Variants in ALG14 observed in about 807,000 individuals in gnomAD.
ALG14 encodes ALG14 UDP-N-acetylglucosaminyltransferase subunit, also known as UDP-N-acetylglucosamine transferase subunit ALG14.
A neutral mutation model predicts 22.8 loss-of-function variants in ALG14; 17 were observed. That is an observed-to-expected ratio of 0.75 (90% CI 0.51 to 1.12). ALG14 has a LOEUF of 1.12. Among genes scored for constraint, ALG14 ranks in the 50% most tolerant of loss-of-function variants. ALG14 has a pLI of 0.00. For synonymous variants in ALG14, 89 were observed against 103.7 expected, an observed-to-expected ratio of 0.86 and a Z score of 0.86; for missense variants, 288 against 271.8, an observed-to-expected ratio of 1.06 and a Z score of -0.42.
At chr1:95,049,401 G>A (rs1248964632) in intron 2 of ALG14, among the ~76,000 whole-genome samples, 2 of 152,050 alleles carry the variant, frequency 1.3e-5, no homozygotes, top group African/African-American at 4.8e-5. Context: ...TGGTGTGAGT[G>A]GTGTGCACCT....
chr1:95,013,084 C>T (rs1418034568), intron 3 of ALG14, among the ~76,000 whole-genome samples: 1 of 149,246 alleles, frequency 6.7e-6, no homozygotes, highest in African/African-American at 2.5e-5. Flanking sequence ...TGCAGTGAGC[C>T]GAGATTGTGC....
chr1:95,057,407 A>AT (rs1398258592), intron 2 of ALG14, among the ~76,000 whole-genome samples: 1 of 151,808 alleles, frequency 6.6e-6, no homozygotes, highest in Non-Finnish European at 1.5e-5. Flanking sequence ...ATAATACAGT[A>AT]TAACAACTAT....
In ALG14 at chr1:95,051,958, T is replaced by A. The variant is rs375039199; in HGVS notation, c.288+12908A>T. 2.6e-5 allele frequency among the ~76,000 whole-genome samples: 4 copies of A among 152,342 alleles called. No individual in the cohort carries two copies. The East Asian group carries it at 7.7e-4, about 29-fold the overall frequency. ...TATAAATTTTACCTAATTATCTGGT[T>A]TATTATCCCGCCACTAGAATGTAGC... On this transcript the variant is annotated intron_variant, in intron 2 of 3. Transcript: ENST00000370205.
At chr1:95,013,875 T>C (rs1390130942) in intron 3 of ALG14, among the ~76,000 whole-genome samples, 2 of 152,108 alleles carry the variant, frequency 1.3e-5, no homozygotes, top group African/African-American at 4.8e-5. Flanking sequence ...GCATATATTT[T>C]TAGTCATGGG....
chr1:95,045,938 A>G (rs35446212), intron 2 of ALG14, among the ~76,000 whole-genome samples: 25 of 88,144 alleles, frequency 2.8e-4, no homozygotes, highest in East Asian at 2.2e-3. Context: ...CTAATAGAAT[A>G]GTATACTAAT....
intron 2 of ALG14, among the ~76,000 whole-genome samples, chr1:95,041,945 T>C (rs571996764): frequency 1.3e-5 from 2 of 152,314 alleles, no homozygotes; most frequent in East Asian, 1.9e-4. Context: ...AGCAAAACTT[T>C]TGTACTTCCA....
chr1:94,978,335 A>G lies in ALG14; in HGVS notation c.*4741T>C, dbSNP rs929867167. 3.9e-5 allele frequency: 6 copies of G among 152,306 alleles called. No homozygotes were observed. Among genetic ancestry groups the G allele is most frequent in the Non-Finnish European group, 7.3e-5 (5 of 68,130 alleles). The allele number at this position is 152,306 out of a possible 1,614,324, so 9.4% of individuals were successfully genotyped here. A position where few individuals can be genotyped will look rare whatever the true frequency, so the allele number is the denominator to read the frequency against. On this transcript the variant is annotated 3_prime_UTR_variant, in exon 4 of 4. Transcript: ENST00000370205. ...CTTGGCCTCCCAAAGTGCTGGGATT[A>G]CAGGCGTGAGCCACCATGCCTGGCC...
At chr1:95,022,324 T>C (rs1255002011) in intron 3 of ALG14, 1 of 985,318 alleles carries the variant, frequency 1.0e-6, no homozygotes, top group African/African-American at 1.7e-5. Flanking sequence ...AGGTTGTCAC[T>C]CAGCCAATGT....
At chr1:95,068,685 A>G (rs1200177267) in intron 1 of ALG14, among the ~76,000 whole-genome samples, 1 of 152,190 alleles carries the variant, frequency 6.6e-6, no homozygotes, top group Non-Finnish European at 1.5e-5. Flanking sequence ...AATTTTGGGC[A>G]TGAACTATTA....
At chr1:94,998,789 G>A (rs1269162401) in intron 3 of ALG14, among the ~76,000 whole-genome samples, 4 of 152,188 alleles carry the variant, frequency 2.6e-5, no homozygotes, top group Admixed American at 2.0e-4. Flanking sequence ...TAGGGTTACT[G>A]TGAGGATTAA....
intron 2 of ALG14, among the ~76,000 whole-genome samples, chr1:95,052,256 G>A (rs1674773741): frequency 6.6e-6 from 1 of 152,002 alleles, no homozygotes; most frequent in Admixed American, 6.6e-5. Flanking sequence ...AAACAAGTAG[G>A]ATACAAGAAG....
intron 2 of ALG14, among the ~76,000 whole-genome samples, chr1:95,044,294 G>A (rs889851808): frequency 1.3e-5 from 2 of 152,090 alleles, no homozygotes; most frequent in African/African-American, 4.8e-5. Flanking sequence ...ACAGCCACAC[G>A]AGTGACCTGT....
At chr1:95,028,049 A>G (rs1365848608) in intron 2 of ALG14, among the ~76,000 whole-genome samples, 1 of 152,266 alleles carries the variant, frequency 6.6e-6, no homozygotes, top group African/African-American at 2.4e-5. Flanking sequence ...ATCCCAAGAC[A>G]CGTTAAGTGA....
chr1:95,013,774 G>A (rs987676228), intron 3 of ALG14, among the ~76,000 whole-genome samples: 1 of 152,038 alleles, frequency 6.6e-6, no homozygotes, highest in Non-Finnish European at 1.5e-5. Flanking sequence ...TTAATTTATA[G>A]GCCTAGTGAG....
chr1:95,058,930 C>G (rs1401612639), intron 2 of ALG14, among the ~76,000 whole-genome samples: 1 of 151,618 alleles, frequency 6.6e-6, no homozygotes, highest in African/African-American at 2.4e-5. Context: ...ATTCTTTTCC[C>G]TCATATTTGC....
chr1:95,063,648 T>C (rs1675248267), intron 2 of ALG14, among the ~76,000 whole-genome samples: 1 of 152,220 alleles, frequency 6.6e-6, no homozygotes, highest in Admixed American at 6.5e-5. Context: ...TCTGTATCTG[T>C]TTTTGTACAA....
Position 94,990,874 on chromosome 1 carries a change from C to T in ALG14, c.421-7568G>A, listed in dbSNP as rs150653571. 3.3e-3 allele frequency among the ~76,000 whole-genome samples: 502 copies of T among 152,350 alleles called. 1 individual carries two copies. The highest frequency in any genetic ancestry group is 0.011 in the African/African-American group (478 of 41,576). On this transcript the variant is annotated intron_variant, in intron 3 of 3. Coordinates refer to ENST00000370205, the MANE Select transcript of ALG14 (RefSeq NM_144988.4). ...AATAACTGAGAAGAACAGTAAACTT[C>T]GGTTCTGTAGGATCTTGCCCAGTTG... is the stretch of plus-strand genomic sequence containing the variant.
At chr1:95,066,380 C>T (rs1182895667) in intron 1 of ALG14, among the ~76,000 whole-genome samples, 5 of 152,050 alleles carry the variant, frequency 3.3e-5, no homozygotes, top group Admixed American at 6.6e-5. Context: ...TGTGCCACCA[C>T]GCCCGGCTAA....
At chr1:95,061,899 A>G (rs1440881937) in intron 2 of ALG14, 5 of 152,144 alleles carry the variant, frequency 3.3e-5, no homozygotes, top group African/African-American at 1.2e-4. Flanking sequence ...CCGTTCCCAG[A>G]GAGAGGGATG....
Sources: allele counts gnomAD v4.1 joint callset (sites outside exome capture counted in the v4.1 genomes callset), GRCh38; gene constraint gnomAD v4.1.1; transcripts MANE v1.5; gene names NCBI Gene and HGNC (gene_info 2026-07-23, HGNC 2026-07-21).